WDR70: variants seen among roughly 807,000 people sequenced by gnomAD.
WDR70 encodes WD repeat-containing protein 70.
Under a neutral mutation model 88.6 loss-of-function variants are expected in WDR70, and 53 were observed. The observed-to-expected ratio is 0.60, with a 90% confidence interval of 0.48 to 0.75. The LOEUF (loss-of-function observed/expected upper bound fraction) is 0.75. WDR70 is among the 30% of genes least tolerant of loss of function. The pLI is 0.00. For synonymous variants in WDR70, 280 were observed against 270.0 expected (o/e 1.04, Z -0.36); for missense variants, 610 against 823.2 (o/e 0.74, Z 3.17).
At chr5:37,704,210 T>C (rs1361638278) in intron 13 of WDR70, among the ~76,000 whole-genome samples, 3 of 152,228 alleles carry the variant, frequency 2.0e-5, no homozygotes, top group Admixed American at 2.0e-4. Context: ...TTTTTCTGGG[T>C]GCATTAGGAG....
Position 37,379,529 on chromosome 5 carries a change from G to A in WDR70, c.66G>A (p.Ala22=), listed in dbSNP as rs1421336676. The change falls in exon 2 of 18, where the codon GCG becomes GCA. Residue 22 remains alanine (A), a synonymous_variant. Coordinates refer to ENST00000265107, the MANE Select transcript of WDR70 (RefSeq NM_018034.4). ...SDASGPDPQL[A]VTMGFTGFGK... is the part of the protein sequence containing the mutation. ...CGTCGGGACCGGACCCGCAGCTTGCGGTCACCATGGGCTTCACGGGGTTCG... is the reference window on the plus strand; with the variant it reads ...CGTCGGGACCGGACCCGCAGCTTGCAGTCACCATGGGCTTCACGGGGTTCG... 1.2e-6 allele frequency: 2 copies of A among 1,614,012 alleles called. No homozygotes were observed. The highest frequency in any genetic ancestry group is 1.7e-4 in the Middle Eastern group (1 of 6,048).
chr5:37,543,961 G>A (rs1377878539), intron 9 of WDR70, among the ~76,000 whole-genome samples: 1 of 152,010 alleles, frequency 6.6e-6, no homozygotes, highest in African/African-American at 2.4e-5. Flanking sequence ...TAATGGAGAC[G>A]GGGTTTCACC....
chr5:37,703,205 T>C (rs971677241), intron 13 of WDR70, 118 bp downstream of exon 13: 1 of 1,247,338 alleles, frequency 8.0e-7, no homozygotes, highest in Non-Finnish European at 1.1e-6. Flanking sequence ...CGGTGATAGC[T>C]GCTTTTCACT....
chr5:37,687,635 A>C (rs1163287006), intron 10 of WDR70, among the ~76,000 whole-genome samples: 1 of 152,236 alleles, frequency 6.6e-6, no homozygotes. Flanking sequence ...TATTTGGTGA[A>C]GTCTCCTCAT....
chr5:37,680,928 G>A (rs1034787858), intron 10 of WDR70, among the ~76,000 whole-genome samples: 39 of 152,146 alleles, frequency 2.6e-4, no homozygotes, highest in African/African-American at 9.2e-4. Flanking sequence ...TTTAAATAAT[G>A]TTAAAATAGA....
At chr5:37,574,382 C>G (rs565280020) in intron 9 of WDR70, among the ~76,000 whole-genome samples, 1 of 152,284 alleles carries the variant, frequency 6.6e-6, no homozygotes, top group East Asian at 1.9e-4. Context: ...CAGCATACCC[C>G]CCTCCATGGC....
intron 5 of WDR70, among the ~76,000 whole-genome samples, chr5:37,431,630 T>A (rs1194851475): frequency 1.3e-5 from 2 of 152,230 alleles, no homozygotes; most frequent in Non-Finnish European, 2.9e-5. Context: ...TTGTTACATA[T>A]ATTCACATTA....
chr5:37,419,090 G>A (rs186853334), intron 5 of WDR70, among the ~76,000 whole-genome samples: 2 of 151,980 alleles, frequency 1.3e-5, no homozygotes, highest in Admixed American at 1.3e-4. Flanking sequence ...GTAATGGAAT[G>A]CTCATTTTAA....
At chr5:37,580,169 G>C (rs1245023341) in intron 9 of WDR70, among the ~76,000 whole-genome samples, 1 of 152,044 alleles carries the variant, frequency 6.6e-6, no homozygotes, top group African/African-American at 2.4e-5. Context: ...TTTATTCACT[G>C]TTCTGTTTTT....
At chr5:37,601,878 T>C (rs1338828225) in intron 9 of WDR70, among the ~76,000 whole-genome samples, 1 of 152,186 alleles carries the variant, frequency 6.6e-6, no homozygotes, top group Non-Finnish European at 1.5e-5. Flanking sequence ...CACAATGGAA[T>C]ATATGCAGCC....
At chr5:37,730,282 T>C (rs1345726985) in intron 17 of WDR70, among the ~76,000 whole-genome samples, 1 of 152,172 alleles carries the variant, frequency 6.6e-6, no homozygotes, top group Non-Finnish European at 1.5e-5. Flanking sequence ...GAATACTATT[T>C]ATAAATATGT....
chr5:37,382,330 C>T (rs1166791871), intron 3 of WDR70, among the ~76,000 whole-genome samples: 1 of 150,510 alleles, frequency 6.6e-6, no homozygotes, highest in Non-Finnish European at 1.5e-5. Flanking sequence ...GAACTCCTGA[C>T]CTTGTGATCT....
chr5:37,514,019 A>G (rs1265475882), intron 8 of WDR70, among the ~76,000 whole-genome samples: 2 of 152,024 alleles, frequency 1.3e-5, no homozygotes, highest in Admixed American at 1.3e-4. Context: ...TAAATTGATC[A>G]GTTTATTTAT....
chr5:37,401,305 G>A (rs1027360180), intron 5 of WDR70, among the ~76,000 whole-genome samples: 3 of 139,544 alleles, frequency 2.1e-5, no homozygotes, highest in Admixed American at 1.5e-4. Flanking sequence ...TCACTGCCCA[G>A]CCAAAGATTA....
In WDR70 at chr5:37,526,464, G is replaced by T. The variant is rs184314426; in HGVS notation, c.917+9874G>T. Among the ~76,000 whole-genome samples the T allele has an allele frequency of 2.0e-3, 312 of 152,222 alleles. 1 individual carries two copies. The highest frequency in any genetic ancestry group is 7.3e-3 in the African/African-American group (303 of 41,528). ...ATGCTAAAAACTCTCAATAAATTAG[G>T]TATTGATGGGACATATCTCTAAATA... On this transcript the variant is annotated intron_variant, in intron 9 of 17. Transcript: ENST00000265107.
chr5:37,595,694 A>G lies in WDR70; in HGVS notation c.918-9370A>G, dbSNP rs139563922. Among the ~76,000 whole-genome samples the G allele has an allele frequency of 1.5e-4, 23 of 152,318 alleles. No homozygotes were observed. In the East Asian group the frequency reaches 4.4e-3, roughly 29 times the overall value. ...ACTTTACTCAGGTCACATAAATTGT[A>G]ATTACACATATTAACATTTATTTCT... On this transcript the variant is annotated intron_variant, in intron 9 of 17. Transcript: ENST00000265107.
Position 37,718,761 on chromosome 5 carries a change from T to C in WDR70, c.1417-2354T>C, listed in dbSNP as rs974217803. Among the ~76,000 whole-genome samples, 6 of 152,224 alleles carry C rather than the reference T, an allele frequency of 3.9e-5. 1 individual carries two copies. The South Asian group carries it at 6.2e-4, about 16-fold the overall frequency. On this transcript the variant is annotated intron_variant, in intron 13 of 17. Coordinates refer to ENST00000265107, the MANE Select transcript of WDR70 (RefSeq NM_018034.4). ...AATCCATTTAGGCATGGGTGAACTG[T>C]AGCTTTTAATTCATTCCTTTGGTGA...
chr5:37,380,584 C>T (rs1183914707), intron 2 of WDR70, among the ~76,000 whole-genome samples: 1 of 152,028 alleles, frequency 6.6e-6, no homozygotes, highest in Non-Finnish European at 1.5e-5. Flanking sequence ...CCTCGTGATC[C>T]GCCCGTCTCG....
At chr5:37,491,212 G>C (rs1395461394) in intron 8 of WDR70, among the ~76,000 whole-genome samples, 4 of 152,140 alleles carry the variant, frequency 2.6e-5, no homozygotes, top group Non-Finnish European at 5.9e-5. Context: ...GCTGGTCCTG[G>C]CTGGGCTCTG....
Sources: allele counts gnomAD v4.1 joint callset (sites outside exome capture counted in the v4.1 genomes callset), GRCh38; gene constraint gnomAD v4.1.1; transcripts MANE v1.5; gene names NCBI Gene and HGNC (gene_info 2026-07-23, HGNC 2026-07-21).